Variants in MPP4 observed in about 807,000 individuals in gnomAD.
MPP4 encodes the protein MAGUK p55 subfamily member 4.
Under a neutral mutation model 98.3 loss-of-function variants are expected in MPP4, and 91 were observed. The observed-to-expected ratio is 0.93, with a 90% CI of 0.78 to 1.10. The LOEUF (loss-of-function observed/expected upper bound fraction) is 1.10, where lower values mean the gene tolerates loss of function less well. Among genes scored for constraint, MPP4 ranks in the 50% least tolerant of loss-of-function variants. The pLI, the probability that MPP4 is intolerant of heterozygous loss-of-function variation, is 0.00. For synonymous variants in MPP4, 261 were observed against 271.8 expected (o/e 0.96, Z 0.39); for missense variants, 744 against 792.9 (o/e 0.94, Z 0.74).
chr2:201,677,892 G>A (rs1221620105), intron 10 of MPP4, among the ~76,000 whole-genome samples: 1 of 152,114 alleles, frequency 6.6e-6, no homozygotes, highest in South Asian at 2.1e-4. Flanking sequence ...ACATCAGCCC[G>A]CGCTCGGGGC....
At chr2:201,697,951 G>A (rs2105955593) in intron 1 of MPP4, 2 of 985,340 alleles carry the variant, frequency 2.0e-6, no homozygotes, top group Non-Finnish European at 1.2e-6. Context: ...CATGACTTCT[G>A]TACCAAATTT....
In MPP4 at chr2:201,680,939, G is replaced by A. The variant is rs1688647439; in HGVS notation, c.828C>T (p.Leu276=). Residue 276 remains leucine (L), a synonymous_variant, in exon 10 of 22, where the codon CTC becomes CTT. Coordinates refer to ENST00000409474, the MANE Select transcript of MPP4 (RefSeq NM_033066.3). ...AGLPFQKGDI[L]QIVDQNDALW... The stretch of plus-strand genomic sequence containing the variant: ...GGGCATCATTCTGGTCCACAATCTG[G>A]AGGATGTCCCCCTTCTGGAAAGGCA... 2 of 1,613,858 alleles carry A rather than the reference G, an allele frequency of 1.2e-6. No homozygotes were observed. Among genetic ancestry groups the A allele is most frequent in the African/African-American group, 1.3e-5 (1 of 75,022 alleles).
chr2:201,664,401 G>A, intron 13 of MPP4: 3 of 1,055,442 alleles, frequency 2.8e-6, no homozygotes, highest in South Asian at 1.4e-5. Flanking sequence ...CAGAGGGAAG[G>A]GGAAAGTGGA....
intron 10 of MPP4, chr2:201,680,500 A>C: frequency 5.1e-6 from 1 of 196,306 alleles, no homozygotes; most frequent in Non-Finnish European, 1.1e-5. Flanking sequence ...CCACCTGCTA[A>C]AGGCCCCGCC....
chr2:201,681,351 G>A (rs535506820), intron 9 of MPP4, 145 bp downstream of exon 9: 5 of 713,820 alleles, frequency 7.0e-6, no homozygotes, highest in South Asian at 1.8e-5. Flanking sequence ...TTTGCTTCTC[G>A]GGCCATCAGT....
intron 20 of MPP4, among the ~76,000 whole-genome samples, chr2:201,649,073 A>G (rs1439140226): frequency 1.3e-5 from 2 of 152,000 alleles, no homozygotes; most frequent in Admixed American, 1.3e-4. Flanking sequence ...CAAAAAACAA[A>G]ACAAACACAG....
At chr2:201,662,868 T>A (rs1042794414) in intron 14 of MPP4, among the ~76,000 whole-genome samples, 2 of 152,220 alleles carry the variant, frequency 1.3e-5, no homozygotes, top group Non-Finnish European at 2.9e-5. Context: ...ATAAGTCATG[T>A]TAACATGCCC....
chr2:201,680,706 A>G (rs962029213), intron 10 of MPP4, 132 bp downstream of exon 10: 2 of 754,824 alleles, frequency 2.6e-6, no homozygotes, highest in African/African-American at 3.5e-5. Context: ...ATTTGGATTT[A>G]TAAACCAGTG....
At chr2:201,675,074 A>C (rs1688465451) in intron 11 of MPP4, 133 bp downstream of exon 11, 1 of 1,037,796 alleles carries the variant, frequency 9.6e-7, no homozygotes, top group Non-Finnish European at 1.5e-6. Context: ...CCCTTCAAGG[A>C]GATTGATTTA....
chr2:201,647,734 T>A lies in MPP4; in HGVS notation c.1676A>T (p.Asn559Ile). The change falls in exon 21 of 22, where the codon AAT becomes ATT. Residue 559 changes from asparagine to isoleucine, a missense_variant. Transcript: ENST00000409474. ...ATAGTAGTCAGTAATAACCTTGGCA[T>A]TTTTCCGAGATTGTTTCATACACCT... The part of the protein sequence containing the change: ...NMRCMKQSRK[N>I]AKVITDYYVD... The A allele has an allele frequency of 6.2e-7, 1 of 1,613,828 alleles. No individual in the cohort carries two copies. The highest frequency in any genetic ancestry group is 8.5e-7 in the Non-Finnish European group (1 of 1,179,780).
chr2:201,645,508 A>C, intron 21 of MPP4, 104 bp from the exon 22 acceptor site: 1 of 991,752 alleles, frequency 1.0e-6, no homozygotes, highest in Non-Finnish European at 1.4e-6. Flanking sequence ...CTATGTATAA[A>C]AACAGTAAGG....
Position 201,650,101 on chromosome 2 carries a change from T to C in MPP4, c.1446A>G (p.Glu482=), listed in dbSNP as rs368928174. 1.4e-5 allele frequency: 22 copies of C among 1,579,560 alleles called. No individual in the cohort carries two copies. The African/African-American group carries it at 3.0e-4, about 21-fold the overall frequency. Residue 482 remains glutamate (E), a synonymous_variant, in exon 19 of 22, where the codon GAA becomes GAG. Coordinates refer to ENST00000409474, the MANE Select transcript of MPP4 (RefSeq NM_033066.3). ...GACTATATATGAGGTTTTCAAATGT[T>C]TCCTTGGACACATAGTGATACTCAC... ...NGREYHYVSK[E]TFENLIYSHR...
chr2:201,657,590 G>GTTTTTTTTGTTTTTTTTTTTTTTT (rs1687884945), intron 16 of MPP4, among the ~76,000 whole-genome samples: 1 of 91,124 alleles, frequency 1.1e-5, no homozygotes, highest in Non-Finnish European at 2.2e-5. Flanking sequence ...CCTGGCCCTT[G>GTTTTTTTTGTTTTTTTTTTTTTTT]TTTTTTTTTT....
intron 18 of MPP4, among the ~76,000 whole-genome samples, chr2:201,653,496 G>A (rs1469969951): frequency 1.3e-5 from 2 of 152,240 alleles, no homozygotes; most frequent in South Asian, 2.1e-4. Context: ...TTATACCCTC[G>A]AGGTGTGTGA....
At chr2:201,658,826 T>C (rs1687931348) in intron 15 of MPP4, among the ~76,000 whole-genome samples, 1 of 152,244 alleles carries the variant, frequency 6.6e-6, no homozygotes, top group Non-Finnish European at 1.5e-5. Context: ...TGTTTAAAAA[T>C]ACATACCCAG....
At chr2:201,661,061 T>C (rs1231947359) in intron 14 of MPP4, among the ~76,000 whole-genome samples, 1 of 152,022 alleles carries the variant, frequency 6.6e-6, no homozygotes, top group Non-Finnish European at 1.5e-5. Context: ...GCTGGGATTA[T>C]AGGCATGAGC....
At chr2:201,647,894 C>A in intron 20 of MPP4, 69 bp from the exon 21 acceptor site, 1 of 1,478,100 alleles carries the variant, frequency 6.8e-7, no homozygotes, top group South Asian at 1.3e-5. Context: ...CTTGCTCTGT[C>A]ACCCAGGCTG....
At chr2:201,675,542 A>G (rs545851979) in intron 10 of MPP4, among the ~76,000 whole-genome samples, 256 of 152,382 alleles carry the variant, frequency 1.7e-3, no homozygotes, top group African/African-American at 5.9e-3. Flanking sequence ...ACAAGTTTGC[A>G]CATGGAGTTT....
Position 201,695,753 on chromosome 2 carries a change from T to G in MPP4, c.-100-1699A>C, listed in dbSNP as rs1042952462. 2.6e-5 allele frequency among the ~76,000 whole-genome samples: 4 copies of G among 152,288 alleles called. No individual in the cohort carries two copies. In the South Asian group the frequency reaches 8.3e-4, roughly 32 times the overall value. ...AGAGCTCTTCCCAGAGAGCATTATT[T>G]CTGACTCTTCCAGCATGCAACATGT... On this transcript the variant is annotated intron_variant, in intron 1 of 21. Coordinates refer to ENST00000409474, the MANE Select transcript of MPP4 (RefSeq NM_033066.3).
Sources: allele counts gnomAD v4.1 joint callset (sites outside exome capture counted in the v4.1 genomes callset), GRCh38; gene constraint gnomAD v4.1.1; transcripts MANE v1.5; gene names NCBI Gene and HGNC (gene_info 2026-07-23, HGNC 2026-07-21).